The following COX11 variants were observed in gnomAD, a reference collection of about 807,000 sequenced individuals.
COX11 encodes the protein cytochrome c oxidase copper chaperone COX11.
In COX11, 18 loss-of-function variants were observed where a neutral mutation model predicts 29.4. The observed-to-expected ratio is 0.61, with a 90% CI of 0.42 to 0.91. The LOEUF (loss-of-function observed/expected upper bound fraction) is 0.91. Among genes scored for constraint, COX11 ranks in the 40% least tolerant of loss-of-function variants. COX11 has a pLI of 0.00. For missense variants in COX11, 312 were observed against 346.0 expected, an observed-to-expected ratio of 0.90 and a Z score of 0.78; for synonymous variants, 131 against 124.0, an observed-to-expected ratio of 1.06 and a Z score of -0.38.
intron 1 of COX11, among the ~76,000 whole-genome samples, chr17:54,967,042 G>GCGCGCACACACA (rs1310473186): frequency 2.6e-4 from 25 of 96,040 alleles, no homozygotes; most frequent in Admixed American, 8.0e-4. Context: ...GCGCGCGCGC[G>GCGCGCACACACA]CACACACACA....
At chr17:54,968,150 T>C in intron 1 of COX11, 131 bp downstream of exon 1, 2 of 1,408,622 alleles carry the variant, frequency 1.4e-6, no homozygotes, top group Non-Finnish European at 1.9e-6. Flanking sequence ...TTTGAACCTC[T>C]CTCCTCTTAG....
chr17:54,968,411 G>C lies in COX11; in HGVS notation c.236C>G (p.Pro79Arg), dbSNP rs756012803. ...QPPRRPKSSN[P>R]FTRAQEEERR... The stretch of plus-strand genomic sequence containing the variant: ...CTCCTCCTCCTGCGCGCGTGTGAAA[G>C]GGTTCGAGCTCTTAGGCCGCCGCGG... The change falls in exon 1 of 4, where the codon CCT becomes CGT. Residue 79 changes from proline to arginine, a missense_variant. Physicochemically the swap from Pro to Arg is moderately radical, Grantham distance 103 (BLOSUM62 -2). This residue lies in a region of COX11 where 130 missense variants were observed against 106.0 expected (regional missense o/e 1.23). Coordinates refer to ENST00000299335, the MANE Select transcript of COX11 (RefSeq NM_004375.5). 1 of 1,613,508 alleles carries C rather than the reference G, an allele frequency of 6.2e-7. No homozygotes were observed. The highest frequency in any genetic ancestry group is 8.5e-7 in the Non-Finnish European group (1 of 1,180,000).
rs2077104564 is a variant in COX11, at chr17:54,960,891, G to C, written c.*1842C>G. On this transcript the variant is annotated 3_prime_UTR_variant, in exon 4 of 4. Transcript: ENST00000299335. ...AAATATTAATGCTAACAAAATAGAT[G>C]AGCAATAGGAGTAGCACTGAAATCA... Among the ~76,000 whole-genome samples the C allele has an allele frequency of 6.6e-6, 1 of 152,166 alleles. No homozygotes were observed. The highest frequency in any genetic ancestry group is 2.1e-4 in the South Asian group (1 of 4,828).
rs1488342493 is a variant in COX11 at position 54,961,470 on chromosome 17, C to T, written c.*1263G>A. 6.9e-7 allele frequency: 1 copy of T among 1,450,068 alleles called. No individual in the cohort carries two copies. Among genetic ancestry groups the T allele is most frequent in the African/African-American group, 1.4e-5 (1 of 69,810 alleles). The allele number at this position is 1,450,068 out of a possible 1,614,324, so 89.8% of individuals were successfully genotyped here. On this transcript the variant is annotated 3_prime_UTR_variant, in exon 4 of 4. Coordinates refer to ENST00000299335, the MANE Select transcript of COX11 (RefSeq NM_004375.5). ...TGGAACAAATACTCACTTAAAACTT[C>T]AGCAGAAGAAAAATTACTTAGTCCT...
rs775330426 is a variant in COX11, at chr17:54,968,576, G to A, written c.71C>T (p.Ser24Phe). The A allele has an allele frequency of 4.2e-5, 68 of 1,612,958 alleles. No individual in the cohort carries two copies. Among genetic ancestry groups the A allele is most frequent in the Non-Finnish European group, 5.3e-5 (63 of 1,179,990 alleles). Residue 24 changes from serine to phenylalanine, a missense_variant, in exon 1 of 4, where the codon TCT becomes TTT. Physicochemically the swap from Ser to Phe is radical, Grantham distance 155 (BLOSUM62 -2). This residue lies in a region of COX11 where 130 missense variants were observed against 106.0 expected (regional missense o/e 1.23). Coordinates refer to ENST00000299335, the MANE Select transcript of COX11 (RefSeq NM_004375.5). ...FCGWRWIHPG[S>F]PTRAAERVEP... ...TACCCTCTCTGCAGCCCTGGTTGGA[G>A]ACCCAGGGTGGATCCAGCGCCAGCC... is the stretch of plus-strand genomic sequence containing the variant.
intron 1 of COX11, 103 bp downstream of exon 1, chr17:54,968,178 C>T (rs1284763255): frequency 1.9e-5 from 29 of 1,506,912 alleles, no homozygotes; most frequent in Non-Finnish European, 2.6e-5. Flanking sequence ...ATATCGGAAA[C>T]CTCTTCCACC....
downstream of COX11, chr17:54,957,408 T>C (rs1291210357): frequency 6.6e-6 from 1 of 152,238 alleles, no homozygotes; most frequent in Non-Finnish European, 1.5e-5. Flanking sequence ...GTATGCTTTC[T>C]AGAAACGTTT....
intron 1 of COX11, among the ~76,000 whole-genome samples, chr17:54,967,994 A>C (rs1465997809): frequency 1.7e-4 from 6 of 36,134 alleles, no homozygotes; most frequent in African/African-American, 5.0e-4. Flanking sequence ...GAGGCTGCGG[A>C]CCTTTTTTTT....
chr17:54,961,711 A>G lies in COX11; in HGVS notation c.*1022T>C, dbSNP rs1296910348. On this transcript the variant is annotated 3_prime_UTR_variant, in exon 4 of 4. Coordinates refer to ENST00000299335, the MANE Select transcript of COX11 (RefSeq NM_004375.5). The stretch of plus-strand genomic sequence containing the variant: ...TGTAAAAGTCAATTTGCACTTCTTT[A>G]TAATCCTCTGGTTTAGAATTATAAA... 6.7e-6 allele frequency: 7 copies of G among 1,039,348 alleles called. No individual in the cohort carries two copies. The Admixed American group carries it at 1.6e-4, about 24-fold the overall frequency. 64.4% of individuals were successfully genotyped at this position (1,039,348 alleles called of 1,614,324 possible).
upstream of COX11, chr17:54,955,212 G>C (rs2049436106): frequency 6.6e-6 from 1 of 152,220 alleles, no homozygotes; most frequent in Non-Finnish European, 1.5e-5. Context: ...GAAGCTGAGA[G>C]GATAACAGGG....
chr17:54,960,752 T>G lies in COX11; in HGVS notation c.*1981A>C. The G allele has an allele frequency of 2.9e-6, 2 of 686,066 alleles. No homozygotes were observed. The highest frequency in any genetic ancestry group is 5.1e-6 in the Non-Finnish European group (2 of 389,344). The allele number at this position is 686,066 out of a possible 1,614,324, so 42.5% of individuals were successfully genotyped here. A position where few individuals can be genotyped will look rare whatever the true frequency, so the allele number is the denominator to read the frequency against. Reference sequence around the variant, plus strand: ...TGAGTCTGACACTTTGAAATATGAGTTCCCCTGAATCATTCAAATTGTGCT... The same window carrying G: ...TGAGTCTGACACTTTGAAATATGAGGTCCCCTGAATCATTCAAATTGTGCT... On this transcript the variant is annotated 3_prime_UTR_variant, in exon 4 of 4. Coordinates refer to ENST00000299335, the MANE Select transcript of COX11 (RefSeq NM_004375.5).
chr17:54,961,194 G>A lies in COX11; in HGVS notation c.*1539C>T. On this transcript the variant is annotated 3_prime_UTR_variant, in exon 4 of 4. Transcript: ENST00000299335. ...GTTATCAAGGAATGGGGAAAGAGAAGGACAGGATGAATACTGGCCATTTTC... is the reference window on the plus strand; with the variant it reads ...GTTATCAAGGAATGGGGAAAGAGAAAGACAGGATGAATACTGGCCATTTTC... The A allele has an allele frequency of 7.7e-7, 1 of 1,295,010 alleles. No individual in the cohort carries two copies. 80.2% of individuals were successfully genotyped at this position (1,295,010 alleles called of 1,614,324 possible).
At chr17:54,963,106 A>C (rs1253588715) in intron 3 of COX11, 191 bp from the exon 4 acceptor site, 4 of 782,602 alleles carry the variant, frequency 5.1e-6, no homozygotes, top group Non-Finnish European at 8.0e-6. Flanking sequence ...ATGAAGAACA[A>C]ATTCTAATCT....
chr17:54,962,382 T>C lies in COX11; in HGVS notation c.*351A>G, dbSNP rs2077145953. On this transcript the variant is annotated 3_prime_UTR_variant, in exon 4 of 4. Coordinates refer to ENST00000299335, the MANE Select transcript of COX11 (RefSeq NM_004375.5). ...CCTGAGCATACATTTTTGAAAAACA[T>C]TGTCAGATTCATTGCTGTAAGTATG... 3.1e-5 allele frequency: 31 copies of C among 994,584 alleles called. No individual in the cohort carries two copies. The highest frequency in any genetic ancestry group is 3.7e-5 in the Non-Finnish European group (31 of 836,572). 61.6% of individuals were successfully genotyped at this position (994,584 alleles called of 1,614,324 possible).
At chr17:54,968,240 T>A (rs1293671089) in intron 1 of COX11, 41 bp downstream of exon 1, 4 of 1,590,330 alleles carry the variant, frequency 2.5e-6, no homozygotes, top group Non-Finnish European at 3.4e-6. Flanking sequence ...CACCCCCACC[T>A]CTCGCGTCTG....
At chr17:54,963,783 T>C (rs2077172346) in intron 2 of COX11, among the ~76,000 whole-genome samples, 1 of 152,108 alleles carries the variant, frequency 6.6e-6, no homozygotes, top group South Asian at 2.1e-4. Context: ...TATACCTGAA[T>C]GTCATGATTG....
chr17:54,968,433 G>T lies in COX11; in HGVS notation c.214C>A (p.Arg72=), dbSNP rs747562255. 5 of 1,613,328 alleles carry T rather than the reference G, an allele frequency of 3.1e-6. No homozygotes were observed. The African/African-American group carries it at 6.7e-5, about 22-fold the overall frequency. ...RARHPALQPP[R]RPKSSNPFTR... is the part of the protein sequence containing the mutation. Reference sequence around the variant, plus strand: ...AAAGGGTTCGAGCTCTTAGGCCGCCGCGGCGGCTGCAATGCTGGATGCCGG... The same window carrying T: ...AAAGGGTTCGAGCTCTTAGGCCGCCTCGGCGGCTGCAATGCTGGATGCCGG... Residue 72 remains arginine, a synonymous_variant, in exon 1 of 4, where the codon CGG becomes AGG. Coordinates refer to ENST00000299335, the MANE Select transcript of COX11 (RefSeq NM_004375.5).
chr17:54,963,171 T>C (rs539525837), intron 3 of COX11, 135 bp downstream of exon 3: 223 of 985,006 alleles, frequency 2.3e-4, no homozygotes, highest in Non-Finnish European at 3.1e-4. Flanking sequence ...CAGGTATAGA[T>C]AGTGAAGAAA....
At position 54,968,435 on chromosome 17, in the gene COX11, G is replaced by C. The variant is rs11553134; in HGVS notation, c.212C>G (p.Pro71Arg). ...LRARHPALQP[P>R]RRPKSSNPFT... is the part of the protein sequence containing the mutation. ...AGGGTTCGAGCTCTTAGGCCGCCGC[G>C]GCGGCTGCAATGCTGGATGCCGGGC... Residue 71 changes from proline to arginine, a missense_variant, in exon 1 of 4, where the codon CCG becomes CGG. By Grantham distance (103) the Pro-to-Arg change is moderately radical. Around this residue, in one of 2 missense-constraint regions of COX11, gnomAD observed 130 missense variants for 106.0 expected, o/e 1.23. Coordinates refer to ENST00000299335, the MANE Select transcript of COX11 (RefSeq NM_004375.5). 1 of 1,613,540 alleles carries C rather than the reference G, an allele frequency of 6.2e-7. No individual in the cohort carries two copies. Among genetic ancestry groups the C allele is most frequent in the East Asian group, 2.2e-5 (1 of 44,840 alleles).
Sources: gnomAD v4.1 joint callset for allele counts (sites outside exome capture counted in the v4.1 genomes callset) on GRCh38, gnomAD v4.1.1 for gene constraint, gnomAD v4.1.1 regional missense constraint, MANE v1.5 for transcripts, NCBI Gene and HGNC (gene_info 2026-07-23, HGNC 2026-07-21) for gene names.